The following TACR1 variants were observed in gnomAD, a reference collection of about 807,000 sequenced individuals.
TACR1 encodes the protein tachykinin receptor 1, also known as substance-P receptor.
In TACR1, 25 loss-of-function variants were observed where a neutral mutation model predicts 35.8. That is an observed-to-expected ratio of 0.70 (90% CI 0.51 to 0.98). The LOEUF is 0.98. TACR1 is among the 50% of genes least tolerant of loss of function. TACR1 has a pLI of 0.00. For synonymous variants in TACR1, 195 were observed against 206.7 expected (o/e 0.94, Z 0.48); for missense variants, 478 against 522.9 (o/e 0.91, Z 0.84).
At position 75,120,601 on chromosome 2, in the gene TACR1, T is replaced by C; in HGVS notation, c.557A>G (p.Glu186Gly). The change falls in exon 2 of 5, where the codon GAG becomes GGG. Residue 186 changes from glutamate (E) to glycine (G), a missense_variant. Transcript: ENST00000305249. ...SRVVCMIEWP[E>G]HPNKIYEKVY... ...TTTCTCATAAATCTTGTTCGGATGC[T>C]CTGGCCATTCGATCATGCACACGAC... 6.2e-7 allele frequency: 1 copy of C among 1,609,484 alleles called. No homozygotes were observed. The highest frequency in any genetic ancestry group is 8.5e-7 in the Non-Finnish European group (1 of 1,177,558).
chr2:75,073,366 G>A (rs1341224131), intron 2 of TACR1, among the ~76,000 whole-genome samples: 3 of 152,248 alleles, frequency 2.0e-5, no homozygotes, highest in African/African-American at 4.8e-5. Flanking sequence ...GGAGTAGTAG[G>A]TGGTGACTAC....
intron 1 of TACR1, among the ~76,000 whole-genome samples, chr2:75,177,640 G>C (rs1487093227): frequency 6.6e-6 from 1 of 151,820 alleles, no homozygotes; most frequent in African/African-American, 2.4e-5. Flanking sequence ...TTGCTTCTTT[G>C]TTTACCTCAC....
At chr2:75,065,124 C>G (rs532467729) in intron 2 of TACR1, among the ~76,000 whole-genome samples, 1 of 152,210 alleles carries the variant, frequency 6.6e-6, no homozygotes, top group Non-Finnish European at 1.5e-5. Context: ...TAACTGCCAC[C>G]AGGTGGCGCC....
chr2:75,136,336 G>A (rs1328062008), intron 1 of TACR1, among the ~76,000 whole-genome samples: 1 of 152,188 alleles, frequency 6.6e-6, no homozygotes, highest in African/African-American at 2.4e-5. Context: ...CTAAAGACGT[G>A]CTTATTAGTG....
At chr2:75,168,490 A>T (rs541538185) in intron 1 of TACR1, among the ~76,000 whole-genome samples, 1 of 152,306 alleles carries the variant, frequency 6.6e-6, no homozygotes, top group East Asian at 1.9e-4. Context: ...GGCTTTGAAG[A>T]TGGAGGAAGG....
At chr2:75,070,786 A>G (rs1208914222) in intron 2 of TACR1, among the ~76,000 whole-genome samples, 1 of 152,206 alleles carries the variant, frequency 6.6e-6, no homozygotes, top group Non-Finnish European at 1.5e-5. Context: ...ATGCATAGCC[A>G]TGCATCTGGT....
intron 4 of TACR1, among the ~76,000 whole-genome samples, chr2:75,050,455 C>T (rs373189594): frequency 3.3e-5 from 5 of 152,166 alleles, no homozygotes; most frequent in African/African-American, 9.7e-5. Context: ...ATTCCTCTCC[C>T]GCCTCCTTCC....
At chr2:75,076,754 T>G (rs1331296471) in intron 2 of TACR1, among the ~76,000 whole-genome samples, 1 of 152,134 alleles carries the variant, frequency 6.6e-6, no homozygotes, top group African/African-American at 2.4e-5. Context: ...TGTCTCTACA[T>G]CTCTTCCTCA....
chr2:75,166,184 ATTAGT>A (rs891907102), intron 1 of TACR1, among the ~76,000 whole-genome samples: 4 of 152,334 alleles, frequency 2.6e-5, no homozygotes, highest in African/African-American at 9.6e-5. Flanking sequence ...ATGTCACATC[ATTAGT>A]TTAGGGGAGA....
chr2:75,160,954 T>C (rs1674994840), intron 1 of TACR1, among the ~76,000 whole-genome samples: 1 of 151,394 alleles, frequency 6.6e-6, no homozygotes, highest in Non-Finnish European at 1.5e-5. Context: ...AAAGGAAAAA[T>C]ATCAGGCTGG....
rs577950897 is a variant in TACR1, at chr2:75,078,228, C to G, written c.585-24473G>C. Among the ~76,000 whole-genome samples, 3 of 152,114 alleles carry G rather than the reference C, an allele frequency of 2.0e-5. No homozygotes were observed. In the South Asian group the frequency reaches 6.2e-4, roughly 32 times the overall value. Reference sequence around the variant, plus strand: ...GCTGAATTATGAGCCTAGTTCAGTGCCCCCATTCAGATTCTATTTGGGCTC... The same window carrying G: ...GCTGAATTATGAGCCTAGTTCAGTGGCCCCATTCAGATTCTATTTGGGCTC... On this transcript the variant is annotated intron_variant, in intron 2 of 4. Coordinates refer to ENST00000305249, the MANE Select transcript of TACR1 (RefSeq NM_001058.4).
chr2:75,111,139 G>A (rs1673742233), intron 2 of TACR1, among the ~76,000 whole-genome samples: 1 of 151,900 alleles, frequency 6.6e-6, no homozygotes, highest in African/African-American at 2.4e-5. Flanking sequence ...GTCACGTGCA[G>A]AAGTTCTTCA....
rs115582976 is a variant in TACR1 at position 75,061,791 on chromosome 2, A to G, written c.585-8036T>C. Among the ~76,000 whole-genome samples, 541 of 152,296 alleles carry G rather than the reference A, an allele frequency of 3.6e-3. 4 individuals are homozygous for G. The highest frequency in any genetic ancestry group is 0.012 in the African/African-American group (509 of 41,570). On this transcript the variant is annotated intron_variant, in intron 2 of 4. Coordinates refer to ENST00000305249, the MANE Select transcript of TACR1 (RefSeq NM_001058.4). ...ATGCTGCTGCCTTCTGGTGGAGTCA[A>G]TTCCCATGGGGCAGCTCCTCAGAGG...
chr2:75,156,140 A>C (rs1190339277), intron 1 of TACR1: 1 of 152,198 alleles, frequency 6.6e-6, no homozygotes, highest in Non-Finnish European at 1.5e-5. Flanking sequence ...CAAATATCAT[A>C]TTGTGCATAC....
At chr2:75,086,519 C>T (rs983236051) in intron 2 of TACR1, among the ~76,000 whole-genome samples, 6 of 152,066 alleles carry the variant, frequency 3.9e-5, no homozygotes, top group African/African-American at 1.2e-4. Flanking sequence ...AATGAATGAA[C>T]CAGGTTGGGG....
rs565479144 is a variant in TACR1, at chr2:75,129,344, C to T, written c.390-8576G>A. On this transcript the variant is annotated intron_variant, in intron 1 of 4. Coordinates refer to ENST00000305249, the MANE Select transcript of TACR1 (RefSeq NM_001058.4). ...CATAATCTTAGAATTGTATTTTCAT[C>T]TTATGCAGTGTGGCCTTGATATTAA... is the stretch of plus-strand genomic sequence containing the variant. Among the ~76,000 whole-genome samples, 5 of 152,302 alleles carry T rather than the reference C, an allele frequency of 3.3e-5. No individual in the cohort carries two copies. In the South Asian group the frequency reaches 1.0e-3, roughly 32 times the overall value.
intron 1 of TACR1, among the ~76,000 whole-genome samples, chr2:75,160,690 A>C (rs1439263978): frequency 6.6e-6 from 1 of 150,920 alleles, no homozygotes; most frequent in East Asian, 1.9e-4. Context: ...GAAAAGAACA[A>C]TAAGATAAAA....
chr2:75,197,492 T>C (rs1676022535), intron 1 of TACR1, among the ~76,000 whole-genome samples: 1 of 152,174 alleles, frequency 6.6e-6, no homozygotes, highest in Non-Finnish European at 1.5e-5. Flanking sequence ...AAGCATACTT[T>C]CACATCCCAG....
intron 2 of TACR1, among the ~76,000 whole-genome samples, chr2:75,111,825 G>A (rs1673754610): frequency 1.3e-5 from 2 of 151,920 alleles, no homozygotes; most frequent in Non-Finnish European, 2.9e-5. Flanking sequence ...AATGGTGGTT[G>A]TCCATAAAGT....
Sources: allele counts gnomAD v4.1 joint callset (sites outside exome capture counted in the v4.1 genomes callset), GRCh38; gene constraint gnomAD v4.1.1; transcripts MANE v1.5; gene names NCBI Gene and HGNC (gene_info 2026-07-23, HGNC 2026-07-21).